The following PSME4 variants were observed in gnomAD, a reference collection of about 807,000 sequenced individuals.
PSME4 encodes the protein proteasome activator complex subunit 4.
A neutral mutation model predicts 253.9 loss-of-function variants in PSME4; 89 were observed. The observed-to-expected ratio is 0.35, with a 90% CI of 0.30 to 0.42. The LOEUF (loss-of-function observed/expected upper bound fraction) is 0.42, where lower values mean the gene tolerates loss of function less well. Among genes scored for constraint, PSME4 ranks in the 10% least tolerant of loss-of-function variants. The probability of loss-of-function intolerance (pLI) is 1.00; values close to 1 mark genes in which losing one functional copy is unlikely to be tolerated. For synonymous variants in PSME4, 851 were observed against 759.2 expected, an observed-to-expected ratio of 1.12 and a Z score of -1.99; for missense variants, 2,014 against 2,195.2, an observed-to-expected ratio of 0.92 and a Z score of 1.65.
chr2:53,968,344 G>C (rs1022459072), intron 1 of PSME4, among the ~76,000 whole-genome samples: 1 of 151,542 alleles, frequency 6.6e-6, no homozygotes, highest in African/African-American at 2.4e-5. Flanking sequence ...TGAAACACAT[G>C]ATTAAGTAAC....
At chr2:53,914,508 TAAG>T (rs1363844507) in intron 20 of PSME4, among the ~76,000 whole-genome samples, 4 of 152,150 alleles carry the variant, frequency 2.6e-5, no homozygotes, top group Admixed American at 1.3e-4. Context: ...TAGTACGAAA[TAAG>T]AAAAAAATTT....
intron 1 of PSME4, among the ~76,000 whole-genome samples, chr2:53,955,703 C>G (rs890213418): frequency 2.0e-5 from 3 of 152,174 alleles, no homozygotes; most frequent in Non-Finnish European, 4.4e-5. Context: ...AAGCAGACTG[C>G]TCGAGTCCAG....
chr2:53,894,284 T>C (rs1226651107), intron 34 of PSME4, among the ~76,000 whole-genome samples: 1 of 152,204 alleles, frequency 6.6e-6, no homozygotes, highest in Non-Finnish European at 1.5e-5. Context: ...TTTCTTTTCT[T>C]TTTTTGGGAC....
At chr2:53,920,134 G>T in intron 19 of PSME4, 59 bp downstream of exon 19, 1 of 1,434,288 alleles carries the variant, frequency 7.0e-7, no homozygotes, top group Non-Finnish European at 9.4e-7. Flanking sequence ...CACAGATAAA[G>T]CCAAAAAAGA....
chr2:53,939,875 A>G, intron 4 of PSME4, 81 bp downstream of exon 4: 1 of 1,275,732 alleles, frequency 7.8e-7, no homozygotes, highest in Non-Finnish European at 1.1e-6. Context: ...TATACTTTTC[A>G]TTTCCTTTTC....
At chr2:53,923,783 C>A (rs1386360776) in intron 14 of PSME4, among the ~76,000 whole-genome samples, 3 of 151,924 alleles carry the variant, frequency 2.0e-5, no homozygotes, top group Non-Finnish European at 4.4e-5. Flanking sequence ...ATTGACCAGG[C>A]ATGGTGGCGC....
chr2:53,923,204 A>G, intron 15 of PSME4, 86 bp from the exon 16 acceptor site: 1 of 1,473,562 alleles, frequency 6.8e-7, no homozygotes, highest in Non-Finnish European at 9.2e-7. Flanking sequence ...AAGGCTGTAA[A>G]TAAGCAGCTA....
chr2:53,965,799 A>T (rs1191420877), intron 1 of PSME4, among the ~76,000 whole-genome samples: 1 of 151,658 alleles, frequency 6.6e-6, no homozygotes, highest in Non-Finnish European at 1.5e-5. Flanking sequence ...CCCCCCGAGT[A>T]GCTGGGACTA....
rs749549944 is a variant in PSME4 at position 53,925,677 on chromosome 2, A to G, written c.1671T>C (p.Leu557=). The G allele has an allele frequency of 1.2e-6, 2 of 1,604,766 alleles. No individual in the cohort carries two copies. Among genetic ancestry groups the G allele is most frequent in the Non-Finnish European group, 8.5e-7 (1 of 1,172,528 alleles). ...VLQFMDRCFG[L]IESSTLEQTR... ...TTTGCTCCAATGTGCTACTTTCTAT[A>G]AGTCCAAAACATCTAAATAATCCAA... Residue 557 remains leucine, a synonymous_variant, in exon 14 of 47, where the codon CTT becomes CTC. Coordinates refer to ENST00000404125, the MANE Select transcript of PSME4 (RefSeq NM_014614.3).
chr2:53,933,405 C>T (rs1050207635), intron 8 of PSME4, among the ~76,000 whole-genome samples: 289 of 91,668 alleles, frequency 3.2e-3, no homozygotes, highest in Admixed American at 8.3e-3. Flanking sequence ...AAAAAAAAAG[C>T]GTTTCCCTCT....
chr2:53,896,913 T>C lies in PSME4; in HGVS notation c.3607-28A>G, dbSNP rs148466352. The C allele has an allele frequency of 3.0e-5, 46 of 1,536,042 alleles. No individual in the cohort carries two copies. The East Asian group carries it at 9.4e-4, about 32-fold the overall frequency. On this transcript the variant is annotated intron_variant, in intron 31 of 46. Transcript: ENST00000404125. ...AGAAAAGGAAAAAGGTACACATTCA[T>C]AAAAAAAAGTTTAAATCACTTAACT...
At chr2:53,934,539 C>A (rs1393108354) in intron 8 of PSME4, 66 bp downstream of exon 8, 2 of 1,509,748 alleles carry the variant, frequency 1.3e-6, no homozygotes, top group African/African-American at 2.8e-5. Context: ...CGACTATCCA[C>A]AATTTTTGTA....
chr2:53,937,868 CT>C (rs1669196347), intron 4 of PSME4, among the ~76,000 whole-genome samples: 1 of 151,988 alleles, frequency 6.6e-6, no homozygotes, highest in East Asian at 1.9e-4. Flanking sequence ...CGGCGCACAT[CT>C]GTAGTCCCAG....
At chr2:53,927,336 G>T in intron 12 of PSME4, 58 bp downstream of exon 12, 2 of 1,189,028 alleles carry the variant, frequency 1.7e-6, no homozygotes, top group Non-Finnish European at 2.5e-6. Flanking sequence ...GTGTTACTAT[G>T]CATATGCAAT....
In PSME4 at chr2:53,949,156, T is replaced by A; in HGVS notation, c.370A>T (p.Ile124Phe). The change falls in exon 2 of 47, where the codon ATC (isoleucine) becomes TTC (phenylalanine). Residue 124 changes from isoleucine to phenylalanine, a missense_variant. Ile to Phe is a conservative substitution (Grantham distance 21). Transcript: ENST00000404125. ...SMMQGFARLL[I>F]NLLKKKELLS... The stretch of plus-strand genomic sequence containing the variant: ...AAAAAGACTTACTTTAACAAGTTGA[T>A]CAAAAGGCGGGCAAATCCCTGCATC... 6.3e-7 allele frequency: 1 copy of A among 1,597,080 alleles called. No homozygotes were observed. The highest frequency in any genetic ancestry group is 8.5e-7 in the Non-Finnish European group (1 of 1,171,778).
At position 53,909,420 on chromosome 2, in the gene PSME4, A is replaced by G. The variant is rs865969875; in HGVS notation, c.2573-580T>C. ...AAAGTTTTTTTAAATATAGGGTTACAATATTCGTATTTACACCAAGTATAA... is the reference window on the plus strand; with the variant it reads ...AAAGTTTTTTTAAATATAGGGTTACGATATTCGTATTTACACCAAGTATAA... On this transcript the variant is annotated intron_variant, in intron 21 of 46. Coordinates refer to ENST00000404125, the MANE Select transcript of PSME4 (RefSeq NM_014614.3). Among the ~76,000 whole-genome samples the G allele has an allele frequency of 9.2e-5, 14 of 152,312 alleles. No individual in the cohort carries two copies. In the Middle Eastern group the frequency reaches 0.02, roughly 222 times the overall value.
Position 53,893,813 on chromosome 2 carries a change from A to G in PSME4, c.3913-14T>C. 6.3e-7 allele frequency: 1 copy of G among 1,577,408 alleles called. No homozygotes were observed. Among genetic ancestry groups the G allele is most frequent in the Non-Finnish European group, 8.6e-7 (1 of 1,167,760 alleles). ...AATCTGTTCTGCCTATAAAGTTAAA[A>G]AAAGAACAATATTCAGCGTTTAAAA... On this transcript the variant is annotated splice_polypyrimidine_tract_variant and intron_variant, in intron 34 of 46. Coordinates refer to ENST00000404125, the MANE Select transcript of PSME4 (RefSeq NM_014614.3).
At chr2:53,881,679 G>T (rs188871898) in intron 41 of PSME4, among the ~76,000 whole-genome samples, 26 of 152,084 alleles carry the variant, frequency 1.7e-4, no homozygotes, top group African/African-American at 6.0e-4. Context: ...CCGCCTCCAG[G>T]GTTCAAGTGA....
At chr2:53,886,818 T>C (rs530194673) in intron 40 of PSME4, among the ~76,000 whole-genome samples, 1 of 152,204 alleles carries the variant, frequency 6.6e-6, no homozygotes, top group African/African-American at 2.4e-5. Context: ...AGCAAACAGA[T>C]GAATGGGTAA....
Sources: gnomAD v4.1 joint callset for allele counts (sites outside exome capture counted in the v4.1 genomes callset) on GRCh38, gnomAD v4.1.1 for gene constraint, MANE v1.5 for transcripts, NCBI Gene and HGNC (gene_info 2026-07-23, HGNC 2026-07-21) for gene names.